Variants in SRGAP2 observed in about 807,000 individuals in gnomAD.
SRGAP2 encodes the protein SLIT-ROBO Rho GTPase activating protein 2, also known as SLIT-ROBO Rho GTPase-activating protein 2.
SRGAP2 carries 15 observed loss-of-function variants against 57.2 expected under a neutral mutation model. That is an observed-to-expected ratio of 0.26 (90% confidence interval 0.18 to 0.40). The LOEUF is 0.40. Ranked by LOEUF, SRGAP2 falls within the 10% of genes least tolerant of loss-of-function variation. SRGAP2 has a pLI of 1.00. For missense variants in SRGAP2, 520 were observed against 669.6 expected (o/e 0.78, Z 2.47); for synonymous variants, 249 against 248.0 (o/e 1.00, Z -0.04).
intron 3 of SRGAP2, among the ~76,000 whole-genome samples, chr1:206,314,198 G>A (rs61816777): frequency 0.015 from 2,307 of 150,380 alleles, 37 homozygotes; most frequent in East Asian, 0.048. Context: ...GCAATGGCAC[G>A]ATCTCAGCTC....
chr1:206,421,660 G>A (rs1465527780), intron 13 of SRGAP2, among the ~76,000 whole-genome samples: 6 of 152,120 alleles, frequency 3.9e-5, no homozygotes, highest in Admixed American at 1.3e-4. Context: ...AGACAATCTC[G>A]CTTTAAGTTG....
intron 18 of SRGAP2, among the ~76,000 whole-genome samples, chr1:206,450,130 C>T (rs536951232): frequency 1.6e-4 from 24 of 152,302 alleles, no homozygotes; most frequent in African/African-American, 5.5e-4. Context: ...TTAGTTTATA[C>T]CTTCAAAAGG....
chr1:206,436,877 T>TG, intron 14 of SRGAP2, 88 bp from the exon 15 acceptor site: 2 of 768,086 alleles, frequency 2.6e-6, no homozygotes, highest in Non-Finnish European at 4.9e-6. Flanking sequence ...ACATGCTGGC[T>TG]GGGGGAGACA....
intron 10 of SRGAP2, among the ~76,000 whole-genome samples, chr1:206,408,854 T>C (rs1658928544): frequency 1.3e-5 from 2 of 152,020 alleles, no homozygotes; most frequent in African/African-American, 4.8e-5. Context: ...ACCCATTTCC[T>C]GTCTTATGTG....
chr1:206,455,510 G>C (rs1385638207), intron 21 of SRGAP2: 1 of 177,650 alleles, frequency 5.6e-6, no homozygotes, highest in Non-Finnish European at 1.2e-5. Context: ...TGGGTTTATT[G>C]AGATATCATG....
Position 206,461,089 on chromosome 1 carries a change from G to T in SRGAP2, c.2885G>T (p.Arg962Leu). Residue 962 changes from arginine to leucine, a missense_variant, in exon 23 of 23, where the codon CGG becomes CTG. By Grantham distance (102) the Arg-to-Leu change is moderately radical (BLOSUM62 -2). Around this residue, in one of 5 missense-constraint regions of SRGAP2, gnomAD observed 478 missense variants for 373.6 expected, o/e 1.28. Transcript: ENST00000573034. ...SALNELRELE[R>L]QSSVKHTPDV... The stretch of plus-strand genomic sequence containing the variant: ...CTGAATGAGCTACGGGAACTAGAAC[G>T]GCAGAGCAGTGTCAAACACACCCCT... 1 of 761,340 alleles carries T rather than the reference G, an allele frequency of 1.3e-6. No homozygotes were observed. The highest frequency in any genetic ancestry group is 1.4e-5 in the South Asian group (1 of 73,016). The allele number at this position is 761,340 out of a possible 1,614,324, so 47.2% of individuals were successfully genotyped here. A position where few individuals can be genotyped will look rare whatever the true frequency, so the allele number is the denominator to read the frequency against.
At position 206,256,345 on chromosome 1, in the gene SRGAP2, C is replaced by T. The variant is rs185211751; in HGVS notation, c.68-46936C>T. Among the ~76,000 whole-genome samples, 39 of 152,298 alleles carry T rather than the reference C, an allele frequency of 2.6e-4. 2 individuals carry two copies. The East Asian group carries it at 6.9e-3, about 27-fold the overall frequency. On this transcript the variant is annotated intron_variant, in intron 2 of 22. Coordinates refer to ENST00000573034, the MANE Select transcript of SRGAP2 (RefSeq NM_015326.5). ...GTATTCCCTAGAAAGACTCTGTTCA[C>T]ATACCCATCAGGCTAAATTAGGTGA... is the stretch of plus-strand genomic sequence containing the variant.
intron 3 of SRGAP2, among the ~76,000 whole-genome samples, chr1:206,307,891 A>C (rs1293913331): frequency 6.6e-6 from 1 of 152,018 alleles, no homozygotes; most frequent in African/African-American, 2.4e-5. Context: ...CAGCCCAGAA[A>C]GGGGCTCCCA....
Position 206,464,327 on chromosome 1 carries a change from A to G in SRGAP2, c.*2907A>G, listed in dbSNP as rs1232815681. The G allele has an allele frequency of 6.6e-6, 1 of 152,668 alleles. No individual in the cohort carries two copies. Among genetic ancestry groups the G allele is most frequent in the African/African-American group, 2.4e-5 (1 of 41,462 alleles). The allele number at this position is 152,668 out of a possible 1,614,324, so 9.5% of individuals were successfully genotyped here. A position where few individuals can be genotyped will look rare whatever the true frequency, so the allele number is the denominator to read the frequency against. On this transcript the variant is annotated 3_prime_UTR_variant, in exon 23 of 23. Coordinates refer to ENST00000573034, the MANE Select transcript of SRGAP2 (RefSeq NM_015326.5). Reference sequence around the variant, plus strand: ...ATAGTGTTGATAACTGGAATATTGTATGTATGCTTGGAGATGCTTTGTGTG... The same window carrying G: ...ATAGTGTTGATAACTGGAATATTGTGTGTATGCTTGGAGATGCTTTGTGTG...
chr1:206,261,026 TA>T, intron 2 of SRGAP2, among the ~76,000 whole-genome samples: 1 of 151,574 alleles, frequency 6.6e-6, no homozygotes, highest in Admixed American at 6.6e-5. Context: ...ATTTCAATAA[TA>T]AAACCTTTGG....
At chr1:206,220,441 A>G (rs182521586) in intron 2 of SRGAP2, among the ~76,000 whole-genome samples, 32 of 152,264 alleles carry the variant, frequency 2.1e-4, no homozygotes, top group African/African-American at 7.7e-4. Context: ...CTCACTAGCC[A>G]AATATGTTTG....
chr1:206,229,642 T>G (rs1667495729), intron 2 of SRGAP2, among the ~76,000 whole-genome samples: 1 of 152,134 alleles, frequency 6.6e-6, no homozygotes, highest in Non-Finnish European at 1.5e-5. Flanking sequence ...TGAAGGACTC[T>G]TCAGCAATTA....
rs1286784974 is a variant in SRGAP2, at chr1:206,463,519, T to G, written c.*2099T>G. On this transcript the variant is annotated 3_prime_UTR_variant, in exon 23 of 23. Coordinates refer to ENST00000573034, the MANE Select transcript of SRGAP2 (RefSeq NM_015326.5). ...TCCCTCTCTCCAGCACACTCCCCTC[T>G]AAGAAAGTAAAAGCAAAGCTTTCTT... 2 of 152,692 alleles carry G rather than the reference T, an allele frequency of 1.3e-5. No homozygotes were observed. The highest frequency in any genetic ancestry group is 2.9e-5 in the Non-Finnish European group (2 of 68,068). The allele number at this position is 152,692 out of a possible 1,614,324, so 9.5% of individuals were successfully genotyped here.
chr1:206,409,904 G>A lies in SRGAP2; in HGVS notation c.1356+3330G>A, dbSNP rs1553358850. ...ACCTGAGGTCGGGAGTTTGAGACCA[G>A]CCTGATCAACATGGAGAAACCTCGT... On this transcript the variant is annotated intron_variant, in intron 10 of 22. Transcript: ENST00000573034. Among the ~76,000 whole-genome samples, 3 of 151,342 alleles carry A rather than the reference G, an allele frequency of 2.0e-5. No homozygotes were observed. In the South Asian group the frequency reaches 6.3e-4, roughly 32 times the overall value.
intron 3 of SRGAP2, among the ~76,000 whole-genome samples, chr1:206,307,791 C>A (rs1672339673): frequency 6.6e-6 from 1 of 152,106 alleles, no homozygotes; most frequent in African/African-American, 2.4e-5. Flanking sequence ...CTCCAGCTGG[C>A]CCGCAAGCGC....
rs541597858 is a variant in SRGAP2, at chr1:206,421,288, C to T, written c.1494+14C>T. 1.7e-5 allele frequency: 13 copies of T among 777,132 alleles called. No individual in the cohort carries two copies. The highest frequency in any genetic ancestry group is 2.3e-4 in the Middle Eastern group (1 of 4,430). The allele number at this position is 777,132 out of a possible 1,614,324, so 48.1% of individuals were successfully genotyped here. ...GTGAGGAAACAGGTAAGGGCCCAAG[C>T]GGGGCCAGGCTGGTCTGGCCTGAAA... On this transcript the variant is annotated intron_variant, in intron 13 of 22. Coordinates refer to ENST00000573034, the MANE Select transcript of SRGAP2 (RefSeq NM_015326.5).
chr1:206,389,053 G>A (rs1446614555), intron 5 of SRGAP2, among the ~76,000 whole-genome samples: 5 of 151,934 alleles, frequency 3.3e-5, no homozygotes, highest in African/African-American at 1.2e-4. Context: ...CCTATCCTCA[G>A]CTGAACCTTG....
At chr1:206,329,874 G>A (rs1282260736) in intron 3 of SRGAP2, among the ~76,000 whole-genome samples, 2 of 132,746 alleles carry the variant, frequency 1.5e-5, no homozygotes, top group Non-Finnish European at 3.2e-5. Context: ...GGGCATCCCT[G>A]TCTTGTGCCA....
At chr1:206,428,494 T>G (rs1661009187) in intron 13 of SRGAP2, among the ~76,000 whole-genome samples, 2 of 151,676 alleles carry the variant, frequency 1.3e-5, no homozygotes, top group South Asian at 4.2e-4. Flanking sequence ...TAATACTTGG[T>G]ATGCACACCT....
Sources: gnomAD v4.1 joint callset for allele counts (sites outside exome capture counted in the v4.1 genomes callset) on GRCh38, gnomAD v4.1.1 for gene constraint, gnomAD v4.1.1 regional missense constraint, MANE v1.5 for transcripts, NCBI Gene and HGNC (gene_info 2026-07-23, HGNC 2026-07-21) for gene names.